The following CCSER1 variants were observed in gnomAD, a reference collection of about 807,000 sequenced individuals.
The protein encoded by CCSER1 is serine-rich coiled-coil domain-containing protein 1.
In CCSER1, 41 loss-of-function variants were observed where a neutral mutation model predicts 82.0. The ratio of observed to expected loss-of-function variants is 0.50; its 90% CI spans 0.39 to 0.65. The LOEUF (loss-of-function observed/expected upper bound fraction) is 0.65, where lower values mean the gene tolerates loss of function less well. Ranked by LOEUF, CCSER1 falls within the 30% of genes least tolerant of loss-of-function variation. The probability of loss-of-function intolerance (pLI) is 0.00; values close to 1 mark genes in which losing one functional copy is unlikely to be tolerated. For missense variants in CCSER1, 1,119 were observed against 1,064.2 expected, an observed-to-expected ratio of 1.05 and a Z score of -0.72; for synonymous variants, 414 against 383.9, an observed-to-expected ratio of 1.08 and a Z score of -0.92.
chr4:90,143,935 C>T (rs1458802732), intron 1 of CCSER1, among the ~76,000 whole-genome samples: 2 of 152,134 alleles, frequency 1.3e-5, no homozygotes, highest in Non-Finnish European at 2.9e-5. Flanking sequence ...AGCAGTCCTC[C>T]CACCTCAGCC....
At chr4:91,026,059 G>C (rs1204004562) in intron 9 of CCSER1, among the ~76,000 whole-genome samples, 1 of 152,060 alleles carries the variant, frequency 6.6e-6, no homozygotes, top group Non-Finnish European at 1.5e-5. Flanking sequence ...CCTGTAAATT[G>C]ACCATGGAAG....
At chr4:90,340,854 G>A (rs1310875254) in intron 3 of CCSER1, among the ~76,000 whole-genome samples, 2 of 152,040 alleles carry the variant, frequency 1.3e-5, no homozygotes, top group African/African-American at 4.8e-5. Flanking sequence ...AGTGGCATTT[G>A]TCAAAATGAG....
chr4:90,474,702 G>A (rs1764826494), intron 5 of CCSER1, among the ~76,000 whole-genome samples: 1 of 152,190 alleles, frequency 6.6e-6, no homozygotes, highest in African/African-American at 2.4e-5. Context: ...GATAGACTGA[G>A]TGGCTACAGT....
At chr4:91,488,353 C>T (rs1242055482) in intron 10 of CCSER1, among the ~76,000 whole-genome samples, 2 of 152,130 alleles carry the variant, frequency 1.3e-5, no homozygotes, top group African/African-American at 2.4e-5. Flanking sequence ...AATCCAACTA[C>T]CAAATAATGA....
At position 90,309,235 on chromosome 4, in the gene CCSER1, A is replaced by G. The variant is rs377342558; in HGVS notation, c.951A>G (p.Ala317=). Residue 317 remains alanine (A), a synonymous_variant, in exon 2 of 11, where the codon GCA becomes GCG. Transcript: ENST00000509176. ...AACTTACGGGAACTGTTCCCTGTGC[A>G]ATTATGTCTCCTGGGAAATATAGGT... ...TTELTGTVPC[A]IMSPGKYRLE... 165 of 1,613,930 alleles carry G rather than the reference A, an allele frequency of 1.0e-4. 3 individuals are homozygous for G. In the South Asian group the frequency reaches 1.5e-3, roughly 14 times the overall value.
chr4:90,266,299 A>AT (rs11483405), intron 1 of CCSER1, among the ~76,000 whole-genome samples: 8,371 of 152,164 alleles, frequency 0.055, 621 homozygotes, highest in African/African-American at 0.17. Context: ...GAGAACTAAA[A>AT]TGAATGTCAT....
At chr4:90,752,200 A>G (rs964634766) in intron 7 of CCSER1, among the ~76,000 whole-genome samples, 1 of 152,264 alleles carries the variant, frequency 6.6e-6, no homozygotes, top group African/African-American at 2.4e-5. Flanking sequence ...GGAGAAACAG[A>G]CTCAAATACT....
chr4:90,710,231 C>T (rs1422330969), intron 6 of CCSER1, among the ~76,000 whole-genome samples: 2 of 152,018 alleles, frequency 1.3e-5, no homozygotes, highest in Admixed American at 6.6e-5. Context: ...AAAAGTTTCT[C>T]CCATTCTCTA....
chr4:90,249,235 A>G (rs1313110744), intron 1 of CCSER1, among the ~76,000 whole-genome samples: 2 of 152,138 alleles, frequency 1.3e-5, no homozygotes, highest in African/African-American at 4.8e-5. Context: ...AAGACCATCG[A>G]CTAGAGACAG....
chr4:91,299,758 G>A (rs1281252991), intron 10 of CCSER1, among the ~76,000 whole-genome samples: 1 of 150,708 alleles, frequency 6.6e-6, no homozygotes, highest in Non-Finnish European at 1.5e-5. Context: ...AAAAATTTTA[G>A]CAGGGACTTT....
chr4:90,170,010 T>A (rs1394180011), intron 1 of CCSER1, among the ~76,000 whole-genome samples: 2 of 152,056 alleles, frequency 1.3e-5, no homozygotes, highest in East Asian at 3.9e-4. Flanking sequence ...AGATAGATAA[T>A]TCCTCTAGCC....
chr4:91,496,626 ATTTGAATATATATATATT>A lies in CCSER1; in HGVS notation c.2218-101945_2218-101928del. ...TGAATATATATATACACGAATATAT[ATTTGAATATATATATATT>A]CAATATATATTGAATATATATATAT... On this transcript the variant is annotated intron_variant, in intron 10 of 10. Coordinates refer to ENST00000509176, the MANE Select transcript of CCSER1 (RefSeq NM_001145065.2). 1.1e-4 allele frequency among the ~76,000 whole-genome samples: 3 copies of A among 26,104 alleles called. 1 individual carries two copies. The highest frequency in any genetic ancestry group is 3.1e-4 in the African/African-American group (3 of 9,814). 17.1% of individuals were successfully genotyped at this position (26,104 alleles called of 152,430 possible). A position where few individuals can be genotyped will look rare whatever the true frequency, so the allele number is the denominator to read the frequency against.
At chr4:91,115,293 G>A (rs1398320315) in intron 10 of CCSER1, among the ~76,000 whole-genome samples, 3 of 152,066 alleles carry the variant, frequency 2.0e-5, no homozygotes, top group African/African-American at 7.2e-5. Context: ...TTGTACTCCT[G>A]TCTTATCAGA....
chr4:91,343,959 T>C (rs1273262956), intron 10 of CCSER1, among the ~76,000 whole-genome samples: 1 of 152,172 alleles, frequency 6.6e-6, no homozygotes, highest in Non-Finnish European at 1.5e-5. Flanking sequence ...TACACTGATA[T>C]GGCCTTTGAA....
intron 10 of CCSER1, among the ~76,000 whole-genome samples, chr4:91,529,832 G>C (rs937054716): frequency 2.6e-5 from 4 of 152,026 alleles, no homozygotes; most frequent in African/African-American, 9.7e-5. Flanking sequence ...CTGATCATTA[G>C]CATTGACAGA....
At chr4:90,672,998 C>T (rs1013299176) in intron 6 of CCSER1, among the ~76,000 whole-genome samples, 2 of 151,740 alleles carry the variant, frequency 1.3e-5, no homozygotes, top group Non-Finnish European at 2.9e-5. Flanking sequence ...CACGTATCAT[C>T]GTAACAGATA....
chr4:91,330,694 GA>G (rs1234550601), intron 10 of CCSER1, among the ~76,000 whole-genome samples: 6 of 152,268 alleles, frequency 3.9e-5, no homozygotes, highest in Admixed American at 2.6e-4. Context: ...TTGCCCTGGA[GA>G]AGTAGTGGCT....
chr4:91,083,767 G>T (rs1180415596), intron 9 of CCSER1, among the ~76,000 whole-genome samples: 3 of 152,074 alleles, frequency 2.0e-5, no homozygotes, highest in African/African-American at 7.2e-5. Context: ...CAGAAGAAAA[G>T]ATCAATGAAC....
rs1010521075 is a variant in CCSER1, at chr4:91,334,270, CTTCAAAACCAGTGTTTTA to C, written c.2217+248281_2217+248298del. Among the ~76,000 whole-genome samples, 10 of 152,014 alleles carry C rather than the reference CTTCAAAACCAGTGTTTTA, an allele frequency of 6.6e-5. 1 individual carries two copies. In the South Asian group the frequency reaches 8.3e-4, roughly 13 times the overall value. ...ACCAAAACTCTCTTGCTCATGCCTT[CTTCAAAACCAGTGTTTTA>C]TTCAGCATCATGCACTTCTCTCAAC... On this transcript the variant is annotated intron_variant, in intron 10 of 10. Coordinates refer to ENST00000509176, the MANE Select transcript of CCSER1 (RefSeq NM_001145065.2).
Sources: allele counts gnomAD v4.1 joint callset (sites outside exome capture counted in the v4.1 genomes callset), GRCh38; gene constraint gnomAD v4.1.1; transcripts MANE v1.5; gene names NCBI Gene and HGNC (gene_info 2026-07-23, HGNC 2026-07-21).